Variants in DISC1 observed in about 807,000 individuals in gnomAD.
DISC1 encodes DISC1 scaffold protein.
In DISC1, 57 loss-of-function variants were observed where a neutral mutation model predicts 84.5. The ratio of observed to expected loss-of-function variants is 0.67; its 90% CI spans 0.55 to 0.84. The LOEUF (loss-of-function observed/expected upper bound fraction) is 0.84, where lower values mean the gene tolerates loss of function less well. DISC1 is among the 40% of genes least tolerant of loss of function. The probability of loss-of-function intolerance (pLI) is 0.00; values close to 1 mark genes in which losing one functional copy is unlikely to be tolerated. For synonymous variants in DISC1, 411 were observed against 415.2 expected, an observed-to-expected ratio of 0.99 and a Z score of 0.12; for missense variants, 1,000 against 1,057.8, an observed-to-expected ratio of 0.95 and a Z score of 0.76.
chr1:231,754,313 C>T (rs1404206098), intron 4 of DISC1, among the ~76,000 whole-genome samples: 1 of 152,134 alleles, frequency 6.6e-6, no homozygotes, highest in Non-Finnish European at 1.5e-5. Flanking sequence ...CACTATTCTG[C>T]AGGATGTACA....
chr1:231,819,344 T>C (rs1329209809), intron 9 of DISC1: 1 of 200,092 alleles, frequency 5.0e-6, no homozygotes, highest in African/African-American at 2.4e-5. Flanking sequence ...TTGAAGTAAA[T>C]GAAGAGTAGT....
chr1:231,643,853 G>A (rs1035798460), intron 1 of DISC1, among the ~76,000 whole-genome samples: 1 of 152,162 alleles, frequency 6.6e-6, no homozygotes, highest in African/African-American at 2.4e-5. Context: ...TACTGGCCGA[G>A]GGGTGAATGG....
intron 11 of DISC1, among the ~76,000 whole-genome samples, chr1:232,026,118 G>T (rs16856254): frequency 0.017 from 2,590 of 152,126 alleles, 52 homozygotes; most frequent in East Asian, 0.068. Context: ...TTTTGAATTT[G>T]CCCATTGATA....
intron 9 of DISC1, among the ~76,000 whole-genome samples, chr1:231,858,865 TGTAAAAC>T (rs2084444858): frequency 6.6e-6 from 1 of 152,214 alleles, no homozygotes; most frequent in African/African-American, 2.4e-5. Flanking sequence ...GGTCTGGAAA[TGTAAAAC>T]GTTGATGAAT....
At position 231,703,348 on chromosome 1, in the gene DISC1, C is replaced by T. The variant is rs934291616; in HGVS notation, c.1117+1324C>T. 2.0e-5 allele frequency among the ~76,000 whole-genome samples: 3 copies of T among 152,138 alleles called. No individual in the cohort carries two copies. In the East Asian group the frequency reaches 5.8e-4, roughly 29 times the overall value. ...AGGGGAAGGCACCCCTCAAGCCCAG[C>T]GTCAGTGGCTTCAGCCCGGGCACAG... is the stretch of plus-strand genomic sequence containing the variant. On this transcript the variant is annotated intron_variant, in intron 3 of 12. Coordinates refer to ENST00000439617, the MANE Select transcript of DISC1 (RefSeq NM_018662.3).
In DISC1 at chr1:231,818,426, G is replaced by A. The variant is rs372702363; in HGVS notation, c.1890G>A (p.Val630=). The stretch of plus-strand genomic sequence containing the variant: ...AGGGACTCCTCAGCAAGCTGTTGGT[G>A]TTGAGTTCCAGGAATGTCAAAAAGC... ...GLEGLLSKLL[V]LSSRNVKKLG... Residue 630 remains valine (V), a synonymous_variant, in exon 9 of 13, where the codon GTG becomes GTA. Transcript: ENST00000439617. The A allele has an allele frequency of 1.9e-6, 3 of 1,614,090 alleles. No homozygotes were observed. The highest frequency in any genetic ancestry group is 2.7e-5 in the African/African-American group (2 of 74,928).
At position 231,720,122 on chromosome 1, in the gene DISC1, A is replaced by T. The variant is rs562407939; in HGVS notation, c.1117+18098A>T. Among the ~76,000 whole-genome samples, 74 of 152,268 alleles carry T rather than the reference A, an allele frequency of 4.9e-4. 1 individual carries two copies. Among genetic ancestry groups the T allele is most frequent in the African/African-American group, 1.7e-3 (70 of 41,546 alleles). Reference sequence around the variant, plus strand: ...CCATATACCCAAGGGTGCCTTAGGGATGACTACTCCCTAAGTCATGGCCAG... The same window carrying T: ...CCATATACCCAAGGGTGCCTTAGGGTTGACTACTCCCTAAGTCATGGCCAG... On this transcript the variant is annotated intron_variant, in intron 3 of 12. Transcript: ENST00000439617.
intron 9 of DISC1, among the ~76,000 whole-genome samples, chr1:231,952,112 A>AT (rs1471646542): frequency 6.8e-6 from 1 of 148,090 alleles, no homozygotes; most frequent in Non-Finnish European, 1.5e-5. Flanking sequence ...AAAAAAAAAA[A>AT]AGAAAAGAAA....
intron 11 of DISC1, 137 bp from the exon 12 acceptor site, chr1:232,026,298 C>T (rs1669459635): frequency 3.2e-6 from 2 of 626,264 alleles, no homozygotes. Context: ...AAGTTTGATA[C>T]CCAGGGGAGA....
At chr1:231,716,672 C>G (rs1479443234) in intron 3 of DISC1, among the ~76,000 whole-genome samples, 2 of 152,148 alleles carry the variant, frequency 1.3e-5, no homozygotes, top group African/African-American at 2.4e-5. Context: ...GTTGAAAGCT[C>G]TCTCTCTTCT....
At chr1:231,757,316 C>T (rs1558488804) in intron 4 of DISC1, among the ~76,000 whole-genome samples, 1 of 152,170 alleles carries the variant, frequency 6.6e-6, no homozygotes, top group African/African-American at 2.4e-5. Context: ...TATTCGTTCA[C>T]TCCTTAGAGG....
Position 231,630,709 on chromosome 1 carries a change from T to G in DISC1, c.67+3775T>G, listed in dbSNP as rs1045192762. On this transcript the variant is annotated intron_variant, in intron 1 of 12. Transcript: ENST00000439617. This position sits in a 1 kb window ranked among gnomAD's most constrained non-coding sequence, Gnocchi z 4.4. ...AACTTTAATGACTTTGTGGTAAAAA[T>G]TCCTTAGCGAATGACTTCTGTGCAA... Among the ~76,000 whole-genome samples, 4 of 152,114 alleles carry G rather than the reference T, an allele frequency of 2.6e-5. No individual in the cohort carries two copies. Among genetic ancestry groups the G allele is most frequent in the African/African-American group, 9.7e-5 (4 of 41,410 alleles).
chr1:231,837,556 C>A (rs1485879630), intron 9 of DISC1, among the ~76,000 whole-genome samples: 1 of 151,460 alleles, frequency 6.6e-6, no homozygotes, highest in Non-Finnish European at 1.5e-5. Context: ...AGAAATTTGT[C>A]ATTAAGACAC....
chr1:231,657,874 G>A (rs1264813186), intron 1 of DISC1, among the ~76,000 whole-genome samples: 2 of 152,134 alleles, frequency 1.3e-5, no homozygotes, highest in Non-Finnish European at 2.9e-5. Flanking sequence ...TGCTGTTTTG[G>A]TTACTGTAGC....
intron 4 of DISC1, among the ~76,000 whole-genome samples, chr1:231,765,668 T>C (rs1200540375): frequency 6.6e-6 from 1 of 152,074 alleles, no homozygotes; most frequent in African/African-American, 2.4e-5. Flanking sequence ...TGGTGACAAA[T>C]ACCAACAAGT....
At chr1:231,787,828 A>G (rs1011254724) in intron 6 of DISC1, among the ~76,000 whole-genome samples, 5 of 152,170 alleles carry the variant, frequency 3.3e-5, no homozygotes, top group African/African-American at 1.2e-4. Flanking sequence ...GCCCAGGCCT[A>G]CACCTCACTT....
chr1:231,636,968 C>A (rs975755502), intron 1 of DISC1, among the ~76,000 whole-genome samples: 1 of 152,102 alleles, frequency 6.6e-6, no homozygotes, highest in Non-Finnish European at 1.5e-5. Flanking sequence ...CCCTACCCCC[C>A]AGCAGGCCCT....
rs1177772883 is a variant in DISC1, at chr1:231,675,734, G to A, written c.68-18092G>A. On this transcript the variant is annotated intron_variant, in intron 1 of 12. Coordinates refer to ENST00000439617, the MANE Select transcript of DISC1 (RefSeq NM_018662.3). The surrounding 1 kb of genome is among the most constrained non-coding windows in gnomAD (Gnocchi z 4.1). ...TCTGTCTTTGTCTTCTCTTGTCTTCGAGGTCCTTCTTACTCCCTTGTCCAA... is the reference window on the plus strand; with the variant it reads ...TCTGTCTTTGTCTTCTCTTGTCTTCAAGGTCCTTCTTACTCCCTTGTCCAA... 1.3e-5 allele frequency among the ~76,000 whole-genome samples: 2 copies of A among 152,048 alleles called. No homozygotes were observed. Among genetic ancestry groups the A allele is most frequent in the African/African-American group, 2.4e-5 (1 of 41,428 alleles).
In DISC1 at chr1:231,855,148, T is replaced by C. The variant is rs1558655134; in HGVS notation, c.1981+36631T>C. 3.0e-6 allele frequency: 3 copies of C among 1,010,176 alleles called. No homozygotes were observed. In the Admixed American group the frequency reaches 1.7e-4, roughly 58 times the overall value. 62.6% of individuals were successfully genotyped at this position (1,010,176 alleles called of 1,614,324 possible). A position where few individuals can be genotyped will look rare whatever the true frequency, so the allele number is the denominator to read the frequency against. ...AGAAAATTTTGGTTTTCAATGTTGA[T>C]GCAGCGTCCTTTGTGAATCTTTAAA... On this transcript the variant is annotated intron_variant, in intron 9 of 12. Transcript: ENST00000439617.
Sources: allele counts gnomAD v4.1 joint callset (sites outside exome capture counted in the v4.1 genomes callset), GRCh38; gene constraint gnomAD v4.1.1; non-coding constraint Gnocchi (gnomAD v3.1); transcripts MANE v1.5; gene names NCBI Gene and HGNC (gene_info 2026-07-23, HGNC 2026-07-21).